Variants in ATP10D observed in about 807,000 individuals in gnomAD.
The protein encoded by ATP10D is ATPase phospholipid transporting 10D (putative).
A neutral mutation model predicts 144.8 loss-of-function variants in ATP10D; 89 were observed. The ratio of observed to expected loss-of-function variants is 0.61; its 90% confidence interval spans 0.52 to 0.73. ATP10D has a LOEUF of 0.73. ATP10D is among the 30% of genes least tolerant of loss of function. The pLI is 0.00. For synonymous variants in ATP10D, 571 were observed against 615.1 expected (o/e 0.93, Z 1.06); for missense variants, 1,603 against 1,714.8 (o/e 0.93, Z 1.15).
At chr4:47,545,664 G>C (rs13134125) in intron 9 of ATP10D, among the ~76,000 whole-genome samples, 37,623 of 152,154 alleles carry the variant, frequency 0.25, 4,637 homozygotes, top group Admixed American at 0.31. Context: ...CGTTAAGTTT[G>C]ATTTACAAAG....
chr4:47,531,412 A>G (rs1717562212), intron 5 of ATP10D, among the ~76,000 whole-genome samples: 1 of 152,220 alleles, frequency 6.6e-6, no homozygotes, highest in African/African-American at 2.4e-5. Context: ...CATAGGCAAG[A>G]GCACAGAGGC....
intron 3 of ATP10D, among the ~76,000 whole-genome samples, chr4:47,516,611 A>G (rs1438775784): frequency 6.6e-6 from 1 of 152,250 alleles, no homozygotes; most frequent in African/African-American, 2.4e-5. Flanking sequence ...TGAAAGCTGC[A>G]GAATTCGTAT....
In ATP10D at chr4:47,531,114, G is replaced by C. The variant is rs190798162; in HGVS notation, c.777-4395G>C. On this transcript the variant is annotated intron_variant, in intron 5 of 22. Transcript: ENST00000273859. ...TTTTTTTGCACTGATGAGAAAATTT[G>C]ACTATAAATCCATCTGGCCCTGGGC... 9.5e-4 allele frequency among the ~76,000 whole-genome samples: 144 copies of C among 151,950 alleles called. 1 individual carries two copies. Among genetic ancestry groups the C allele is most frequent in the African/African-American group, 3.1e-3 (128 of 41,458 alleles).
intron 16 of ATP10D, 85 bp from the exon 17 acceptor site, chr4:47,572,069 C>T (rs1255505518): frequency 1.7e-6 from 2 of 1,209,138 alleles, no homozygotes; most frequent in Non-Finnish European, 1.2e-6. Context: ...TATTTGTTCA[C>T]TTGAGCTGCC....
intron 1 of ATP10D, among the ~76,000 whole-genome samples, chr4:47,506,637 T>G (rs1332986937): frequency 6.6e-6 from 1 of 152,196 alleles, no homozygotes; most frequent in African/African-American, 2.4e-5. Context: ...AATCAATACC[T>G]CTAAGGACAG....
At chr4:47,536,615 C>G (rs761344608) in intron 8 of ATP10D, 51 bp downstream of exon 8, 1 of 1,605,650 alleles carries the variant, frequency 6.2e-7, no homozygotes, top group Non-Finnish European at 8.5e-7. Context: ...TGCTGCTTAT[C>G]CAGCTATGTT....
chr4:47,580,335 G>A, intron 19 of ATP10D, 63 bp from the exon 20 acceptor site: 1 of 1,282,586 alleles, frequency 7.8e-7, no homozygotes, highest in Non-Finnish European at 1.1e-6. Context: ...ACTGGCTTGT[G>A]TTGTTTCTTT....
chr4:47,560,206 T>A (rs1336271626), intron 13 of ATP10D: 2 of 152,210 alleles, frequency 1.3e-5, no homozygotes, highest in African/African-American at 4.8e-5. Flanking sequence ...CCTCACCTGC[T>A]TTACTCCACT....
At chr4:47,555,487 T>C (rs1362376998) in intron 11 of ATP10D, among the ~76,000 whole-genome samples, 2 of 152,146 alleles carry the variant, frequency 1.3e-5, no homozygotes, top group Non-Finnish European at 2.9e-5. Context: ...CCTACTATTC[T>C]CCATTTTACA....
chr4:47,554,642 G>C (rs1352969003), intron 10 of ATP10D, 84 bp from the exon 11 acceptor site: 16 of 1,083,668 alleles, frequency 1.5e-5, no homozygotes, highest in Non-Finnish European at 2.0e-5. Context: ...TTAGATCCTG[G>C]CTATACAAGT....
chr4:47,541,754 T>TTC (rs1397777212), intron 9 of ATP10D, among the ~76,000 whole-genome samples: 1 of 152,146 alleles, frequency 6.6e-6, no homozygotes, highest in Non-Finnish European at 1.5e-5. Context: ...CTTCCATATA[T>TTC]CAAATTGATG....
intron 21 of ATP10D, among the ~76,000 whole-genome samples, chr4:47,585,139 A>G (rs1370158592): frequency 6.6e-6 from 1 of 152,132 alleles, no homozygotes; most frequent in Admixed American, 6.5e-5. Flanking sequence ...GAGGTATCTC[A>G]TTTGATGCTA....
chr4:47,544,003 A>G (rs1718290990), intron 9 of ATP10D, among the ~76,000 whole-genome samples: 2 of 151,934 alleles, frequency 1.3e-5, no homozygotes, highest in Admixed American at 1.3e-4. Context: ...ATGAAAAAAC[A>G]TGGACTCATT....
chr4:47,504,153 T>C (rs1448710190), intron 1 of ATP10D, among the ~76,000 whole-genome samples: 1 of 152,220 alleles, frequency 6.6e-6, no homozygotes, highest in Non-Finnish European at 1.5e-5. Flanking sequence ...TGTAACTTCA[T>C]TATTCAAGAT....
At chr4:47,487,658 A>G (rs1560401998) in intron 1 of ATP10D, among the ~76,000 whole-genome samples, 1 of 152,192 alleles carries the variant, frequency 6.6e-6, no homozygotes, top group South Asian at 2.1e-4. Context: ...TCTTAGATAA[A>G]TTTATTTCAT....
intron 22 of ATP10D, 101 bp downstream of exon 22, chr4:47,587,307 T>C (rs1025491410): frequency 5.7e-6 from 6 of 1,058,950 alleles, no homozygotes; most frequent in Non-Finnish European, 8.3e-6. Flanking sequence ...CCACCCTGTT[T>C]AGTAGTGAGA....
chr4:47,509,942 GGGTGT>G (rs1716223678), intron 1 of ATP10D, among the ~76,000 whole-genome samples: 1 of 84,368 alleles, frequency 1.2e-5, no homozygotes, highest in Admixed American at 1.4e-4. Flanking sequence ...TTTGTTTCAG[GGGTGT>G]GTGTGTGTGT....
intron 13 of ATP10D, 32 bp downstream of exon 13, chr4:47,559,061 G>C: frequency 1.3e-6 from 2 of 1,563,890 alleles, no homozygotes; most frequent in Non-Finnish European, 1.8e-6. Context: ...CATCTTTTTT[G>C]TTTTTTCCCT....
rs1206402618 is a variant in ATP10D at position 47,560,976 on chromosome 4, T to A, written c.2569T>A (p.Trp857Arg). The A allele has an allele frequency of 1.2e-6, 2 of 1,613,894 alleles. No homozygotes were observed. Among genetic ancestry groups the A allele is most frequent in the Admixed American group, 3.3e-5 (2 of 59,992 alleles). ...CATGAGTGACACTGAATATGCAGAG[T>A]GGCTGAGGAATCATTTTTTAGCTGA... Reference protein sequence around the residue: ...KVMSDTEYAEWLRNHFLAETS... With the variant: ...KVMSDTEYAERLRNHFLAETS... Residue 857 changes from tryptophan (W) to arginine (R), a missense_variant, in exon 14 of 23, where the codon TGG (tryptophan) becomes AGG (arginine). Transcript: ENST00000273859.
Sources: gnomAD v4.1 joint callset for allele counts (sites outside exome capture counted in the v4.1 genomes callset) on GRCh38, gnomAD v4.1.1 for gene constraint, MANE v1.5 for transcripts, NCBI Gene and HGNC (gene_info 2026-07-23, HGNC 2026-07-21) for gene names.